ITPK1: variants seen among roughly 807,000 people sequenced by gnomAD.
ITPK1 encodes inositol 1,3,4-trisphosphate 5/6-kinase.
Under a neutral mutation model 45.3 loss-of-function variants are expected in ITPK1, and 21 were observed. The ratio of observed to expected loss-of-function variants is 0.46; its 90% confidence interval spans 0.33 to 0.67. The LOEUF (loss-of-function observed/expected upper bound fraction) is 0.67, where lower values mean the gene tolerates loss of function less well. Ranked by LOEUF, ITPK1 falls within the 30% of genes least tolerant of loss-of-function variation. The pLI is 0.02. For synonymous variants in ITPK1, 258 were observed against 253.6 expected (o/e 1.02, Z -0.16); for missense variants, 474 against 573.5 (o/e 0.83, Z 1.77).
chr14:92,965,045 G>A (rs1052839427), intron 5 of ITPK1, among the ~76,000 whole-genome samples: 30 of 152,190 alleles, frequency 2.0e-4, no homozygotes, highest in African/African-American at 7.2e-4. Context: ...GTTCCATGGT[G>A]AGCCAGTGGT....
At chr14:93,097,207 T>C (rs575410459) in intron 2 of ITPK1, among the ~76,000 whole-genome samples, 3 of 152,328 alleles carry the variant, frequency 2.0e-5, no homozygotes, top group South Asian at 2.1e-4. Flanking sequence ...TGACCCTCCC[T>C]GTATCCAGGC....
chr14:93,073,845 G>A (rs1253535766), intron 3 of ITPK1, among the ~76,000 whole-genome samples: 2 of 152,138 alleles, frequency 1.3e-5, no homozygotes, highest in Admixed American at 6.5e-5. Context: ...ACCTCAAAAG[G>A]GTACTTAACA....
At chr14:93,110,259 A>G (rs1892694828) in intron 2 of ITPK1, among the ~76,000 whole-genome samples, 1 of 152,170 alleles carries the variant, frequency 6.6e-6, no homozygotes, top group South Asian at 2.1e-4. Flanking sequence ...AGGCTGGGTT[A>G]TGAATACTCC....
chr14:93,010,805 C>T (rs1200782433), intron 4 of ITPK1, among the ~76,000 whole-genome samples: 1 of 152,188 alleles, frequency 6.6e-6, no homozygotes, highest in Non-Finnish European at 1.5e-5. Flanking sequence ...CGCATCATCA[C>T]ACCCCAGGCA....
rs763407778 is a variant in ITPK1, at chr14:92,962,787, G to A, written c.427C>T (p.Arg143Trp). 2.9e-5 allele frequency: 46 copies of A among 1,613,616 alleles called. No individual in the cohort carries two copies. The South Asian group carries it at 3.3e-4, about 12-fold the overall frequency. Reference protein sequence around the residue: ...LTSLCGDDTMRLLEKNGLTFP... With the variant: ...LTSLCGDDTMWLLEKNGLTFP... ...GTCAAGCCGTTCTTCTCCAGCAGCCGCATGGTGTCATCCCCGCACAGGCTC... is the reference window on the plus strand; with the variant it reads ...GTCAAGCCGTTCTTCTCCAGCAGCCACATGGTGTCATCCCCGCACAGGCTC... The change falls in exon 6 of 11, where the codon CGG (arginine) becomes TGG (tryptophan). Residue 143 changes from arginine to tryptophan, a missense_variant. Physicochemically the swap from Arg to Trp is moderately radical, Grantham distance 101. Transcript: ENST00000267615.
intron 2 of ITPK1, among the ~76,000 whole-genome samples, chr14:93,103,873 C>G (rs1892420053): frequency 6.6e-6 from 1 of 152,152 alleles, no homozygotes; most frequent in African/African-American, 2.4e-5. Context: ...CTCTCTGCAC[C>G]CATCTACCAT....
At position 92,941,782 on chromosome 14, in the gene ITPK1, GA is replaced by G; in HGVS notation, c.1023del (p.Leu342TrpfsTer24). 1 of 1,609,998 alleles carries G rather than the reference GA, an allele frequency of 6.2e-7. No homozygotes were observed. Among genetic ancestry groups the G allele is most frequent in the South Asian group, 1.1e-5 (1 of 90,652 alleles). ...ACCAGGCCGCCCGCCGGCTCGGCCAGAAGCTTGCTGTGCCTCAGCAGGGCCA... is the reference window on the plus strand; with the variant it reads ...ACCAGGCCGCCCGCCGGCTCGGCCAGAGCTTGCTGTGCCTCAGCAGGGCCA... ...GDVALLRHSK[L>X]LAEPAGGLVG... On this transcript the variant is annotated frameshift_variant, in exon 11 of 11. Coordinates refer to ENST00000267615, the MANE Select transcript of ITPK1 (RefSeq NM_014216.6). LOFTEE classifies it high-confidence loss of function.
chr14:92,978,799 G>A (rs1886078160), intron 5 of ITPK1, among the ~76,000 whole-genome samples: 1 of 152,232 alleles, frequency 6.6e-6, no homozygotes, highest in Non-Finnish European at 1.5e-5. Context: ...TGTCCAGACA[G>A]AAGTCTGCTG....
In ITPK1 at chr14:92,940,544, G is replaced by A. The variant is rs1887311087; in HGVS notation, c.*1017C>T. ...CTGGGTGAGGAGGGACCCAGCAGGT[G>A]TGAAAAGGAGTGAACCCACTGGGAA... On this transcript the variant is annotated 3_prime_UTR_variant, in exon 11 of 11. Coordinates refer to ENST00000267615, the MANE Select transcript of ITPK1 (RefSeq NM_014216.6). The A allele has an allele frequency of 1.7e-6, 2 of 1,173,492 alleles. No homozygotes were observed. Among genetic ancestry groups the A allele is most frequent in the Non-Finnish European group, 2.1e-6 (2 of 933,322 alleles). 72.7% of individuals were successfully genotyped at this position (1,173,492 alleles called of 1,614,324 possible).
chr14:92,939,123 A>G lies in ITPK1; in HGVS notation c.*2438T>C, dbSNP rs1165616478. 1.3e-5 allele frequency: 2 copies of G among 152,786 alleles called. No homozygotes were observed. Among genetic ancestry groups the G allele is most frequent in the Non-Finnish European group, 1.5e-5 (1 of 68,472 alleles). 9.5% of individuals were successfully genotyped at this position (152,786 alleles called of 1,614,324 possible). A position where few individuals can be genotyped will look rare whatever the true frequency, so the allele number is the denominator to read the frequency against. On this transcript the variant is annotated 3_prime_UTR_variant, in exon 11 of 11. Transcript: ENST00000267615. The stretch of plus-strand genomic sequence containing the variant: ...CGCCGTGCCTGCACAGCACCACACA[A>G]CAACCTTTGCTAAGTGGGTCCCTTC...
chr14:92,962,946 C>A, intron 5 of ITPK1, 97 bp from the exon 6 acceptor site: 3 of 712,466 alleles, frequency 4.2e-6, no homozygotes, highest in East Asian at 5.4e-5. Flanking sequence ...GCCTTCAGTG[C>A]CCCCACGCTC....
In ITPK1 at chr14:92,941,099, G is replaced by C. The variant is rs1887361160; in HGVS notation, c.*462C>G. The C allele has an allele frequency of 8.3e-7, 1 of 1,201,486 alleles. No homozygotes were observed. Among genetic ancestry groups the C allele is most frequent in the Non-Finnish European group, 1.1e-6 (1 of 949,192 alleles). The allele number at this position is 1,201,486 out of a possible 1,614,324, so 74.4% of individuals were successfully genotyped here. On this transcript the variant is annotated 3_prime_UTR_variant, in exon 11 of 11. Transcript: ENST00000267615. ...AAAAACAAGGAAGGGGCAGGTCAGG[G>C]AGTGGGGAGTCAGGCAGAAGGGAAG...
intron 8 of ITPK1, among the ~76,000 whole-genome samples, chr14:92,957,971 G>A (rs892937453): frequency 2.0e-5 from 3 of 152,232 alleles, no homozygotes; most frequent in Non-Finnish European, 4.4e-5. Flanking sequence ...AGTCTACGGT[G>A]GTTCAGGTGG....
chr14:93,031,636 A>AC (rs926660896), intron 3 of ITPK1, among the ~76,000 whole-genome samples: 5 of 151,702 alleles, frequency 3.3e-5, no homozygotes, highest in Admixed American at 6.6e-5. Flanking sequence ...AGGGCCATAG[A>AC]CCCCCCTAAG....
At chr14:93,035,844 C>T (rs1408023033) in intron 3 of ITPK1, among the ~76,000 whole-genome samples, 5 of 152,188 alleles carry the variant, frequency 3.3e-5, no homozygotes, top group Non-Finnish European at 7.4e-5. Flanking sequence ...GTTACTGGGC[C>T]TGTCACCTCC....
At chr14:93,001,207 C>T (rs189961396) in intron 4 of ITPK1, among the ~76,000 whole-genome samples, 26 of 152,142 alleles carry the variant, frequency 1.7e-4, no homozygotes, top group African/African-American at 6.0e-4. Context: ...GCAGGAGAAT[C>T]GCTTGTACCT....
chr14:93,108,127 G>A (rs914695679), intron 2 of ITPK1, among the ~76,000 whole-genome samples: 2 of 152,196 alleles, frequency 1.3e-5, no homozygotes, highest in Non-Finnish European at 2.9e-5. Flanking sequence ...CACCCGGGCC[G>A]GCTCCCCAAG....
chr14:93,100,131 G>A (rs753502344), intron 2 of ITPK1, among the ~76,000 whole-genome samples: 3 of 152,208 alleles, frequency 2.0e-5, no homozygotes, highest in Admixed American at 6.5e-5. Context: ...GGAATGAGGC[G>A]CTGCATTCCC....
intron 3 of ITPK1, among the ~76,000 whole-genome samples, chr14:93,030,172 G>A (rs961567101): frequency 2.6e-5 from 4 of 152,264 alleles, no homozygotes; most frequent in Non-Finnish European, 5.9e-5. Flanking sequence ...TTTACACTCA[G>A]TAGAGCTGAC....
Sources: allele counts gnomAD v4.1 joint callset (sites outside exome capture counted in the v4.1 genomes callset), GRCh38; gene constraint gnomAD v4.1.1; transcripts MANE v1.5; gene names NCBI Gene and HGNC (gene_info 2026-07-23, HGNC 2026-07-21).